Variants in DTNB observed in about 807,000 individuals in gnomAD.
The protein encoded by DTNB is dystrobrevin beta.
Under a neutral mutation model 90.7 loss-of-function variants are expected in DTNB, and 63 were observed. The observed-to-expected ratio is 0.69, with a 90% CI of 0.57 to 0.86. DTNB has a LOEUF of 0.86. DTNB is among the 40% of genes least tolerant of loss of function. The pLI is 0.00. For synonymous variants in DTNB, 277 were observed against 286.7 expected, an observed-to-expected ratio of 0.97 and a Z score of 0.34; for missense variants, 744 against 807.1, an observed-to-expected ratio of 0.92 and a Z score of 0.95.
chr2:25,482,851 T>C lies in DTNB; in HGVS notation c.1024A>G (p.Met342Val), dbSNP rs769952609. ...HIVPPRPLTN[M>V]NDTMVSHMSS... Reference sequence around the variant, plus strand: ...ATGTGGCTAACCATGGTGTCATTCATATTAGTCAGAGGGCGAGGAGGACTG... The same window carrying C: ...ATGTGGCTAACCATGGTGTCATTCACATTAGTCAGAGGGCGAGGAGGACTG... Residue 342 changes from methionine (M) to valine (V), a missense_variant, in exon 10 of 21, where the codon ATG (methionine) becomes GTG (valine). Transcript: ENST00000406818. 1 of 1,611,252 alleles carries C rather than the reference T, an allele frequency of 6.2e-7. No homozygotes were observed. Among genetic ancestry groups the C allele is most frequent in the African/African-American group, 1.3e-5 (1 of 74,746 alleles).
At chr2:25,612,760 G>A (rs1431201300) in intron 4 of DTNB, among the ~76,000 whole-genome samples, 1 of 137,410 alleles carries the variant, frequency 7.3e-6, no homozygotes, top group African/African-American at 2.5e-5. Context: ...AGACATTGCA[G>A]AAATAATAAA....
chr2:25,416,804 C>CGATGGAAGGAAGGAAGGAAG (rs2048058425), intron 16 of DTNB, among the ~76,000 whole-genome samples: 1 of 129,962 alleles, frequency 7.7e-6, no homozygotes. Flanking sequence ...AAGGAAGGAA[C>CGATGGAAGGAAGGAAGGAAG]GAAGGAAGGA....
intron 1 of DTNB, among the ~76,000 whole-genome samples, chr2:25,672,493 C>A (rs1456411432): frequency 6.6e-6 from 1 of 152,080 alleles, no homozygotes; most frequent in Non-Finnish European, 1.5e-5. Flanking sequence ...CATCTAAGAG[C>A]CCCCTTTAAA....
intron 8 of DTNB, among the ~76,000 whole-genome samples, chr2:25,541,608 G>C (rs554123966): frequency 6.6e-6 from 1 of 152,108 alleles, no homozygotes; most frequent in East Asian, 1.9e-4. Flanking sequence ...TCATAGAGCC[G>C]GAAGTATTTG....
chr2:25,570,493 T>A (rs2059704981), intron 8 of DTNB, among the ~76,000 whole-genome samples: 1 of 151,918 alleles, frequency 6.6e-6, no homozygotes, highest in Non-Finnish European at 1.5e-5. Flanking sequence ...TTAGCTATTC[T>A]AGCTGTCTCC....
At position 25,568,203 on chromosome 2, in the gene DTNB, G is replaced by T. The variant is rs138146844; in HGVS notation, c.876+8635C>A. On this transcript the variant is annotated intron_variant, in intron 8 of 20. Coordinates refer to ENST00000406818, the MANE Select transcript of DTNB (RefSeq NM_021907.5). Reference sequence around the variant, plus strand: ...AGAAAAGAAAGGTTGAAGAGTTTCAGTTGGGAAAAATGAAAAAGGTCTGGA... The same window carrying T: ...AGAAAAGAAAGGTTGAAGAGTTTCATTTGGGAAAAATGAAAAAGGTCTGGA... Among the ~76,000 whole-genome samples, 750 of 152,006 alleles carry T rather than the reference G, an allele frequency of 4.9e-3. 2 individuals are homozygous for T. The highest frequency in any genetic ancestry group is 0.014 in the Middle Eastern group (4 of 294).
chr2:25,399,570 C>T (rs6724910), intron 16 of DTNB: 56,621 of 150,004 alleles, frequency 0.38, 12,049 homozygotes, highest in East Asian at 0.6. Flanking sequence ...TCTTGAACTC[C>T]TGTTCTCATG....
intron 9 of DTNB, among the ~76,000 whole-genome samples, chr2:25,499,814 C>A (rs1273405924): frequency 6.6e-6 from 1 of 152,196 alleles, no homozygotes; most frequent in Non-Finnish European, 1.5e-5. Context: ...ACAATTGGAA[C>A]ACACTGGTTG....
chr2:25,615,068 T>G (rs2148593668), intron 4 of DTNB, among the ~76,000 whole-genome samples: 1 of 152,318 alleles, frequency 6.6e-6, no homozygotes, highest in East Asian at 1.9e-4. Flanking sequence ...GACCCTTCCT[T>G]GGACTGATTA....
chr2:25,536,793 A>G (rs900844055), intron 8 of DTNB, among the ~76,000 whole-genome samples: 1 of 151,998 alleles, frequency 6.6e-6, no homozygotes, highest in Non-Finnish European at 1.5e-5. Context: ...ACCAGGCTGG[A>G]GTGCAGTGGG....
At chr2:25,574,308 T>C (rs180683229) in intron 8 of DTNB, among the ~76,000 whole-genome samples, 8 of 152,274 alleles carry the variant, frequency 5.3e-5, no homozygotes, top group African/African-American at 9.6e-5. Context: ...GTTTAAAAAA[T>C]AAATTTTGAA....
At chr2:25,496,758 G>T (rs769946013) in intron 9 of DTNB, among the ~76,000 whole-genome samples, 2 of 151,536 alleles carry the variant, frequency 1.3e-5, no homozygotes, top group African/African-American at 4.8e-5. Flanking sequence ...CTGGAGAATC[G>T]CTTGAACCCG....
chr2:25,614,471 G>A (rs1290425581), intron 4 of DTNB, among the ~76,000 whole-genome samples: 5 of 152,152 alleles, frequency 3.3e-5, no homozygotes, highest in Admixed American at 6.5e-5. Flanking sequence ...CAACATTGCA[G>A]AATGTAAGGT....
At chr2:25,653,478 G>T (rs35255750) in intron 1 of DTNB, among the ~76,000 whole-genome samples, 33,671 of 116,610 alleles carry the variant, frequency 0.29, 5,447 homozygotes, top group Non-Finnish European at 0.37. Context: ...TTCAGAGCTT[G>T]CTTTCTTTCT....
chr2:25,662,315 G>A (rs1281724905), intron 1 of DTNB, among the ~76,000 whole-genome samples: 2 of 152,078 alleles, frequency 1.3e-5, no homozygotes, highest in Admixed American at 6.5e-5. Context: ...ACAGAAGCAT[G>A]GGAAAATAAA....
intron 16 of DTNB, among the ~76,000 whole-genome samples, chr2:25,413,204 A>T (rs1237964179): frequency 6.6e-6 from 1 of 151,974 alleles, no homozygotes; most frequent in African/African-American, 2.4e-5. Flanking sequence ...TTTGGTAACA[A>T]ATTTTTTTCA....
chr2:25,669,672 G>C (rs750240344), intron 1 of DTNB, among the ~76,000 whole-genome samples: 1 of 152,152 alleles, frequency 6.6e-6, no homozygotes, highest in Non-Finnish European at 1.5e-5. Flanking sequence ...TGAGTAAAAG[G>C]ACACGTGCGC....
chr2:25,431,637 C>G (rs1315228480), intron 14 of DTNB, among the ~76,000 whole-genome samples: 1 of 152,198 alleles, frequency 6.6e-6, no homozygotes, highest in African/African-American at 2.4e-5. Context: ...ATCCTTCCGG[C>G]TTAACTGAGC....
intron 16 of DTNB, among the ~76,000 whole-genome samples, chr2:25,401,558 G>C (rs2043722407): frequency 6.6e-6 from 1 of 152,206 alleles, no homozygotes; most frequent in Non-Finnish European, 1.5e-5. Context: ...TGCTTGGGTG[G>C]CCCCAGCATG....
Sources: allele counts gnomAD v4.1 joint callset (sites outside exome capture counted in the v4.1 genomes callset), GRCh38; gene constraint gnomAD v4.1.1; transcripts MANE v1.5; gene names NCBI Gene and HGNC (gene_info 2026-07-23, HGNC 2026-07-21).